The following DIAPH1 variants were observed in gnomAD, a reference collection of about 807,000 sequenced individuals.
DIAPH1 encodes diaphanous related formin 1.
DIAPH1 carries 46 observed loss-of-function variants against 140.7 expected under a neutral mutation model. The observed-to-expected ratio is 0.33, with a 90% CI of 0.26 to 0.42. The LOEUF (loss-of-function observed/expected upper bound fraction) is 0.42. DIAPH1 is among the 10% of genes least tolerant of loss of function. The pLI is 1.00. For synonymous variants in DIAPH1, 565 were observed against 551.6 expected, an observed-to-expected ratio of 1.02 and a Z score of -0.34; for missense variants, 1,310 against 1,558.7, an observed-to-expected ratio of 0.84 and a Z score of 2.69.
At position 141,527,634 on chromosome 5, in the gene DIAPH1, C is replaced by T. The variant is rs538492176; in HGVS notation, c.3212G>A (p.Arg1071His). ...QMKKQISDVE[R>H]DVQNFPAATD... ...GGCAGCTGGGAAATTCTGAACATCA[C>T]GTTCCACATCAGAAATTTGTTTCTT... Residue 1071 changes from arginine (R) to histidine (H), a missense_variant, in exon 24 of 28, where the codon CGT becomes CAT. Arg to His is a conservative substitution (Grantham distance 29). Transcript: ENST00000389054. 3.1e-5 allele frequency: 49 copies of T among 1,596,638 alleles called. 1 individual carries two copies. Among genetic ancestry groups the T allele is most frequent in the South Asian group, 2.9e-4 (26 of 90,452 alleles).
rs556818737 is a variant in DIAPH1 at position 141,605,421 on chromosome 5, CA to C, written c.117+13376del. On this transcript the variant is annotated intron_variant, in intron 1 of 27. Coordinates refer to ENST00000389054, the MANE Select transcript of DIAPH1 (RefSeq NM_005219.5). ...TGTTTCAAAAATATATATGTGTTTT[CA>C]AAAAAAAAGCACACACAAAAAATCA... Among the ~76,000 whole-genome samples, 642 of 150,342 alleles carry C rather than the reference CA, an allele frequency of 4.3e-3. 6 individuals carry two copies. Among genetic ancestry groups the C allele is most frequent in the African/African-American group, 0.015 (626 of 40,996 alleles).
Position 141,573,853 on chromosome 5 carries a change from G to T in DIAPH1, c.1997C>A (p.Pro666His). ...PLPEGVGIPS[P>H]SSLPGGTAIP... ...GGCAGTACCTCCAGGCAAAGAAGAG[G>T]GTGAAGGGATGCCAACACCCTCAGG... Residue 666 changes from proline to histidine, a missense_variant, in exon 16 of 28, where the codon CCC (proline) becomes CAC (histidine). Coordinates refer to ENST00000389054, the MANE Select transcript of DIAPH1 (RefSeq NM_005219.5). 6.5e-7 allele frequency: 1 copy of T among 1,532,756 alleles called. No homozygotes were observed. The highest frequency in any genetic ancestry group is 8.8e-7 in the Non-Finnish European group (1 of 1,137,970). The allele number at this position is 1,532,756 out of a possible 1,614,324, so 94.9% of individuals were successfully genotyped here. A position where few individuals can be genotyped will look rare whatever the true frequency, so the allele number is the denominator to read the frequency against.
intron 18 of DIAPH1, among the ~76,000 whole-genome samples, chr5:141,536,756 G>A (rs1380975573): frequency 6.6e-6 from 1 of 152,134 alleles, no homozygotes; most frequent in Non-Finnish European, 1.5e-5. Context: ...GCAAAGGCCT[G>A]AGATAGAGCA....
intron 13 of DIAPH1, 37 bp downstream of exon 13, chr5:141,576,719 C>T: frequency 1.5e-6 from 2 of 1,311,126 alleles, no homozygotes; most frequent in Non-Finnish European, 2.2e-6. Context: ...AAGGAAGAAG[C>T]AATACTTGGA....
At chr5:141,562,520 G>A (rs1375399547) in intron 18 of DIAPH1, among the ~76,000 whole-genome samples, 1 of 151,908 alleles carries the variant, frequency 6.6e-6, no homozygotes, top group Non-Finnish European at 1.5e-5. Context: ...TAGAAGGTAG[G>A]GGAGGGAGAA....
chr5:141,566,954 G>C (rs1248682030), intron 18 of DIAPH1, among the ~76,000 whole-genome samples: 1 of 151,502 alleles, frequency 6.6e-6, no homozygotes, highest in Non-Finnish European at 1.5e-5. Flanking sequence ...AAAAGGGAAA[G>C]TGGTATTGAG....
intron 6 of DIAPH1, among the ~76,000 whole-genome samples, chr5:141,582,775 C>CT (rs2099896964): frequency 6.6e-6 from 1 of 152,120 alleles, no homozygotes. Context: ...AAGTACTCTG[C>CT]TTCAGGTTGG....
chr5:141,584,282 T>G, intron 3 of DIAPH1, 57 bp from the exon 4 acceptor site: 1 of 995,718 alleles, frequency 1.0e-6, no homozygotes, highest in Non-Finnish European at 1.6e-6. Context: ...TTTACAAATT[T>G]TTAGTGTTTA....
intron 10 of DIAPH1, 43 bp downstream of exon 10, chr5:141,578,472 G>C: frequency 6.4e-7 from 1 of 1,564,796 alleles, no homozygotes; most frequent in Non-Finnish European, 8.8e-7. Flanking sequence ...TGTAGAGCAA[G>C]AAGGAACCAG....
chr5:141,599,379 T>C lies in DIAPH1; in HGVS notation c.118-11129A>G, dbSNP rs568941248. ...AGATTTTGTTAAGGCTAAGTTGTAA[T>C]AGACAACTACAATTATATTTGAGTT... On this transcript the variant is annotated intron_variant, in intron 1 of 27. Coordinates refer to ENST00000389054, the MANE Select transcript of DIAPH1 (RefSeq NM_005219.5). 4.6e-5 allele frequency among the ~76,000 whole-genome samples: 7 copies of C among 152,340 alleles called. 1 individual carries two copies. The South Asian group carries it at 8.3e-4, about 18-fold the overall frequency.
chr5:141,544,481 A>G (rs1330781878), intron 18 of DIAPH1, among the ~76,000 whole-genome samples: 2 of 152,186 alleles, frequency 1.3e-5, no homozygotes, highest in Non-Finnish European at 2.9e-5. Flanking sequence ...CCGATAAAGA[A>G]CTAGTATACC....
intron 1 of DIAPH1, among the ~76,000 whole-genome samples, chr5:141,594,182 A>C (rs528234414): frequency 6.6e-6 from 1 of 152,228 alleles, no homozygotes; most frequent in Non-Finnish European, 1.5e-5. Context: ...TATAAAACTA[A>C]ACATACACTA....
intron 1 of DIAPH1, among the ~76,000 whole-genome samples, chr5:141,614,303 T>TATGTG (rs769024592): frequency 4.5e-4 from 68 of 152,174 alleles, no homozygotes; most frequent in Non-Finnish European, 8.8e-4. Flanking sequence ...TTCTAAATCA[T>TATGTG]ATGTGACATA....
chr5:141,543,044 C>A (rs2099890245), intron 18 of DIAPH1, among the ~76,000 whole-genome samples: 2 of 148,514 alleles, frequency 1.3e-5, no homozygotes, highest in South Asian at 2.1e-4. Flanking sequence ...GGTAAAAGGT[C>A]ATGCTGTTGG....
Position 141,528,547 on chromosome 5 carries a change from C to G in DIAPH1, c.3054G>C (p.Thr1018=). The change falls in exon 23 of 28, where the codon ACG becomes ACC. Residue 1018 remains threonine, a synonymous_variant. Coordinates refer to ENST00000389054, the MANE Select transcript of DIAPH1 (RefSeq NM_005219.5). The stretch of plus-strand genomic sequence containing the variant: ...ACAACTCAGCCAAGAAGTGTAACAA[C>G]GTCATCTTCTGATCTGTGGACTTGG... ...RDTKSTDQKM[T]LLHFLAELCE... 1 of 1,614,184 alleles carries G rather than the reference C, an allele frequency of 6.2e-7. No individual in the cohort carries two copies. The highest frequency in any genetic ancestry group is 1.3e-5 in the African/African-American group (1 of 75,046).
chr5:141,571,936 G>A lies in DIAPH1; in HGVS notation c.2463C>T (p.Ala821=). The A allele has an allele frequency of 6.2e-7, 1 of 1,612,862 alleles. No individual in the cohort carries two copies. The highest frequency in any genetic ancestry group is 8.5e-7 in the Non-Finnish European group (1 of 1,178,860). Residue 821 remains alanine (A), a synonymous_variant, in exon 17 of 28, where the codon GCC becomes GCT. Coordinates refer to ENST00000389054, the MANE Select transcript of DIAPH1 (RefSeq NM_005219.5). The part of the protein sequence containing the change: ...LFAKLTLTFS[A]QTKTSKAKKD... ...GAGGAAGGTACTCACTCTTGGTCTG[G>A]GCAGAGAAGGTAAGGGTAAGTTTGG...
intron 18 of DIAPH1, among the ~76,000 whole-genome samples, chr5:141,568,011 C>A (rs1221899754): frequency 6.6e-6 from 1 of 152,206 alleles, no homozygotes; most frequent in African/African-American, 2.4e-5. Context: ...TCACAGTTCA[C>A]ATAACACACC....
chr5:141,574,335 G>T, intron 15 of DIAPH1, 127 bp from the exon 16 acceptor site: 1 of 937,464 alleles, frequency 1.1e-6, no homozygotes, highest in Non-Finnish European at 1.6e-6. Context: ...AGAGGAGTCA[G>T]AGAGATGACA....
chr5:141,579,587 G>A (rs374653474), intron 8 of DIAPH1, among the ~76,000 whole-genome samples: 15 of 152,280 alleles, frequency 9.9e-5, no homozygotes, highest in African/African-American at 3.6e-4. Flanking sequence ...ATATGCACAA[G>A]GATGTTCACT....
Sources: gnomAD v4.1 joint callset for allele counts (sites outside exome capture counted in the v4.1 genomes callset) on GRCh38, gnomAD v4.1.1 for gene constraint, MANE v1.5 for transcripts, NCBI Gene and HGNC (gene_info 2026-07-23, HGNC 2026-07-21) for gene names.